The following SLC26A8 variants were observed in gnomAD, a reference collection of about 807,000 sequenced individuals.
SLC26A8 encodes solute carrier family 26 member 8.
A neutral mutation model predicts 105.0 loss-of-function variants in SLC26A8; 70 were observed. The observed-to-expected ratio is 0.67, with a 90% confidence interval of 0.55 to 0.81. The LOEUF (loss-of-function observed/expected upper bound fraction) is 0.81, where lower values mean the gene tolerates loss of function less well. Among genes scored for constraint, SLC26A8 ranks in the 40% least tolerant of loss-of-function variants. The pLI, the probability that SLC26A8 is intolerant of heterozygous loss-of-function variation, is 0.00. For synonymous variants in SLC26A8, 415 were observed against 438.3 expected (o/e 0.95, Z 0.66); for missense variants, 998 against 1,181.8 (o/e 0.84, Z 2.28).
intron 2 of SLC26A8, among the ~76,000 whole-genome samples, chr6:36,015,397 C>T (rs891928539): frequency 1.3e-5 from 2 of 152,178 alleles, no homozygotes; most frequent in Non-Finnish European, 2.9e-5. Context: ...AGGCATGAGC[C>T]ACTGTGCCCA....
intron 2 of SLC26A8, among the ~76,000 whole-genome samples, chr6:36,015,435 C>T (rs917308941): frequency 9.2e-5 from 14 of 152,094 alleles, no homozygotes; most frequent in African/African-American, 3.4e-4. Flanking sequence ...AAGCATTGTG[C>T]TGTGCTACCT....
In SLC26A8 at chr6:35,962,558, G is replaced by T. The variant is rs1772353141; in HGVS notation, c.1429C>A (p.Pro477Thr). Residue 477 changes from proline to threonine, a missense_variant, in exon 12 of 20, where the codon CCC (proline) becomes ACC (threonine). Coordinates refer to ENST00000490799, the MANE Select transcript of SLC26A8 (RefSeq NM_052961.4). ...TATTGGTCCTGCCTCCACAGGCTGGGTAGGTTAGAAATGGTTTCAAGGTAG... is the reference window on the plus strand; with the variant it reads ...TATTGGTCCTGCCTCCACAGGCTGGTTAGGTTAGAAATGGTTTCAAGGTAG... Reference protein sequence around the residue: ...IPYLETISNLPSLWRQDQYDC... With the variant: ...IPYLETISNLTSLWRQDQYDC... 6.2e-7 allele frequency: 1 copy of T among 1,614,124 alleles called. No individual in the cohort carries two copies.
At position 36,000,542 on chromosome 6, in the gene SLC26A8, T is replaced by G. The variant is rs139958051; in HGVS notation, c.329-434A>C. ...ACACTTCACTGACTTGAAGTTGGTA[T>G]GTGTTGGTTCTCTTCCATAGGCCAA... is the stretch of plus-strand genomic sequence containing the variant. On this transcript the variant is annotated intron_variant, in intron 3 of 19. Transcript: ENST00000490799. Among the ~76,000 whole-genome samples, 273 of 152,324 alleles carry G rather than the reference T, an allele frequency of 1.8e-3. 4 individuals carry two copies. In the South Asian group the frequency reaches 0.037, roughly 21 times the overall value.
intron 11 of SLC26A8, among the ~76,000 whole-genome samples, chr6:35,965,477 C>T (rs539681203): frequency 2.6e-5 from 4 of 151,098 alleles, no homozygotes; most frequent in South Asian, 2.1e-4. Context: ...GTTGGGGGTT[C>T]GAGACCAGCC....
intron 7 of SLC26A8, among the ~76,000 whole-genome samples, 154 bp from the exon 8 acceptor site, chr6:35,982,357 T>TAG (rs1232444536): frequency 1.3e-5 from 2 of 152,202 alleles, no homozygotes; most frequent in Non-Finnish European, 2.9e-5. Flanking sequence ...GAGGCATGGC[T>TAG]AGTTCAGCGG....
intron 2 of SLC26A8, among the ~76,000 whole-genome samples, chr6:36,013,595 G>T (rs1562073444): frequency 6.6e-6 from 1 of 152,190 alleles, no homozygotes; most frequent in Admixed American, 6.5e-5. Flanking sequence ...CAATGATGCT[G>T]AGATTGAGAA....
At chr6:35,979,035 A>G (rs1281643396) in intron 8 of SLC26A8, among the ~76,000 whole-genome samples, 2 of 77,490 alleles carry the variant, frequency 2.6e-5, no homozygotes, top group East Asian at 6.8e-4. Flanking sequence ...TTTTTTTTTT[A>G]GAAACGGAGT....
chr6:35,999,749 A>G (rs1761466322), intron 4 of SLC26A8, among the ~76,000 whole-genome samples: 1 of 152,140 alleles, frequency 6.6e-6, no homozygotes. Context: ...TTTCTTAAGG[A>G]AAGTACCTCT....
chr6:35,956,570 G>A (rs1156755029), intron 16 of SLC26A8, among the ~76,000 whole-genome samples: 1 of 152,150 alleles, frequency 6.6e-6, no homozygotes, highest in Non-Finnish European at 1.5e-5. Flanking sequence ...ATGCAAATGT[G>A]GACTCTGCAT....
intron 2 of SLC26A8, among the ~76,000 whole-genome samples, chr6:36,014,029 A>C (rs1761932315): frequency 6.6e-6 from 1 of 152,212 alleles, no homozygotes; most frequent in Non-Finnish European, 1.5e-5. Flanking sequence ...CAGCTGTGAA[A>C]TGCTGCTCGG....
chr6:36,005,499 T>C (rs900503479), intron 3 of SLC26A8, among the ~76,000 whole-genome samples: 1 of 152,236 alleles, frequency 6.6e-6, no homozygotes, highest in African/African-American at 2.4e-5. Flanking sequence ...TCAGTTATTT[T>C]GTCAAACACT....
intron 10 of SLC26A8, among the ~76,000 whole-genome samples, chr6:35,971,170 G>C (rs965143535): frequency 3.7e-4 from 56 of 152,354 alleles, no homozygotes; most frequent in African/African-American, 1.3e-3. Context: ...CACATTCATA[G>C]GAATGGGTTT....
At chr6:36,003,993 G>A (rs566037181) in intron 3 of SLC26A8, among the ~76,000 whole-genome samples, 15 of 150,082 alleles carry the variant, frequency 1.0e-4, no homozygotes, top group Admixed American at 4.0e-4. Flanking sequence ...AGTAGTGTAC[G>A]TATCCCTACA....
At chr6:35,954,789 A>G in intron 17 of SLC26A8, 1 of 233,146 alleles carries the variant, frequency 4.3e-6, no homozygotes, top group Non-Finnish European at 8.5e-6. Context: ...TACCAAAAAT[A>G]CAAAAATTAG....
At chr6:35,951,734 C>T (rs906538639) in intron 17 of SLC26A8, among the ~76,000 whole-genome samples, 7 of 152,074 alleles carry the variant, frequency 4.6e-5, no homozygotes, top group Admixed American at 1.3e-4. Context: ...GCATACCACA[C>T]GCCTGGCTAA....
intron 2 of SLC26A8, among the ~76,000 whole-genome samples, chr6:36,013,918 G>C (rs147636176): frequency 9.1e-4 from 139 of 152,248 alleles, no homozygotes; most frequent in Non-Finnish European, 1.7e-3. Context: ...ACTTTACCAA[G>C]GTCACAGGAA....
chr6:35,959,810 C>T lies in SLC26A8; in HGVS notation c.1639-4G>A. On this transcript the variant is annotated splice_polypyrimidine_tract_variant and splice_region_variant and intron_variant, in intron 14 of 19. Transcript: ENST00000490799. ...TCACCCCAGGAATGGTGATGATCTG[C>T]AAGACAAAATGTGAAGTTGAGGGAA... 1 of 1,601,624 alleles carries T rather than the reference C, an allele frequency of 6.2e-7. No individual in the cohort carries two copies. Among genetic ancestry groups the T allele is most frequent in the East Asian group, 2.2e-5 (1 of 44,670 alleles).
At chr6:35,991,288 C>G (rs1409686801) in intron 7 of SLC26A8, among the ~76,000 whole-genome samples, 2 of 151,548 alleles carry the variant, frequency 1.3e-5, no homozygotes, top group African/African-American at 4.9e-5. Flanking sequence ...CCTGTAATTC[C>G]AGCTACTCAG....
chr6:36,000,179 A>G, intron 3 of SLC26A8, 71 bp from the exon 4 acceptor site: 1 of 986,756 alleles, frequency 1.0e-6, no homozygotes, highest in Non-Finnish European at 1.6e-6. Flanking sequence ...ACTGTAAAGA[A>G]TATTTAAAAT....
Sources: allele counts gnomAD v4.1 joint callset (sites outside exome capture counted in the v4.1 genomes callset), GRCh38; gene constraint gnomAD v4.1.1; transcripts MANE v1.5; gene names NCBI Gene and HGNC (gene_info 2026-07-23, HGNC 2026-07-21).